The following DNMBP variants were observed in gnomAD, a reference collection of about 807,000 sequenced individuals.
The protein encoded by DNMBP is dynamin binding protein, also known as dynamin-binding protein.
Under a neutral mutation model 150.0 loss-of-function variants are expected in DNMBP, and 87 were observed. The ratio of observed to expected loss-of-function variants is 0.58; its 90% confidence interval spans 0.49 to 0.69. The LOEUF is 0.69. Among genes scored for constraint, DNMBP ranks in the 30% least tolerant of loss-of-function variants. The pLI is 0.00. For missense variants in DNMBP, 1,774 were observed against 1,949.0 expected (o/e 0.91, Z 1.69); for synonymous variants, 711 against 750.4 (o/e 0.95, Z 0.86).
chr10:99,910,453 T>C (rs945722118), intron 4 of DNMBP, among the ~76,000 whole-genome samples: 1 of 152,170 alleles, frequency 6.6e-6, no homozygotes, highest in Non-Finnish European at 1.5e-5. Context: ...GTCATGAGAA[T>C]CACTTGAACC....
rs181390153 is a variant in DNMBP at position 99,884,747 on chromosome 10, A to G, written c.3799-538T>C. ...AACATAGCGAAACCCTGTCTCTACTAAAAATACAATACAGGCATGGTAACG... is the reference window on the plus strand; with the variant it reads ...AACATAGCGAAACCCTGTCTCTACTGAAAATACAATACAGGCATGGTAACG... On this transcript the variant is annotated intron_variant, in intron 14 of 16. Transcript: ENST00000324109. Among the ~76,000 whole-genome samples, 940 of 152,218 alleles carry G rather than the reference A, an allele frequency of 6.2e-3. 6 individuals are homozygous for G. The highest frequency in any genetic ancestry group is 9.9e-3 in the Non-Finnish European group (674 of 68,022).
chr10:99,913,711 G>C (rs1406489397), intron 4 of DNMBP, among the ~76,000 whole-genome samples: 2 of 151,988 alleles, frequency 1.3e-5, no homozygotes, highest in African/African-American at 4.8e-5. Context: ...ATTATCACCA[G>C]GCTCACTTCC....
At chr10:99,927,358 G>A (rs2133278092) in intron 4 of DNMBP, 1 of 152,216 alleles carries the variant, frequency 6.6e-6, no homozygotes, top group East Asian at 1.9e-4. Context: ...CAAAGAAATG[G>A]CCATTTATGA....
chr10:99,901,078 G>C (rs2039731058), intron 6 of DNMBP, among the ~76,000 whole-genome samples: 1 of 152,130 alleles, frequency 6.6e-6, no homozygotes, highest in South Asian at 2.1e-4. Context: ...TGGGACTACA[G>C]ATGTGCGCTG....
Position 99,877,216 on chromosome 10 carries a change from C to T in DNMBP, c.4669G>A (p.Ala1557Thr), listed in dbSNP as rs767849573. ...DVTGNTEWWL[A>T]EVNGKKGYVP... ...TAGCCCTTCTTCCCGTTAACCTCAG[C>T]TAACCACCACTCTGTATTTCCTGTA... is the stretch of plus-strand genomic sequence containing the variant. The change falls in exon 17 of 17, where the codon GCT (alanine) becomes ACT (threonine). Residue 1557 changes from alanine to threonine, a missense_variant. Ala to Thr is a moderately conservative substitution (Grantham distance 58). Transcript: ENST00000324109. 4.3e-6 allele frequency: 7 copies of T among 1,613,986 alleles called. No homozygotes were observed. In the South Asian group the frequency reaches 7.7e-5, roughly 18 times the overall value.
rs185249420 is a variant in DNMBP, at chr10:99,988,590, C to T, written c.-10-16456G>A. On this transcript the variant is annotated intron_variant, in intron 1 of 16. Transcript: ENST00000324109. ...AAAGATCAGTGCATCATTTAACCAC[C>T]ATAATTCACAATTTGTCCCCACTCC... 1.1e-4 allele frequency among the ~76,000 whole-genome samples: 17 copies of T among 152,240 alleles called. No homozygotes were observed. In the East Asian group the frequency reaches 3.3e-3, roughly 29 times the overall value.
chr10:99,933,119 C>A (rs984768834), intron 4 of DNMBP, among the ~76,000 whole-genome samples: 1 of 151,074 alleles, frequency 6.6e-6, no homozygotes, highest in African/African-American at 2.4e-5. Context: ...ACAAATGAGA[C>A]CCCATCTCCA....
Position 99,935,087 on chromosome 10 carries a change from C to CAA in DNMBP, c.2260+20125_2260+20126dup, listed in dbSNP as rs71009790. 6.4e-3 allele frequency among the ~76,000 whole-genome samples: 313 copies of CAA among 48,534 alleles called. 24 individuals are homozygous for CAA. The highest frequency in any genetic ancestry group is 0.015 in the African/African-American group (208 of 13,962). The allele number at this position is 48,534 out of a possible 152,430, so 31.8% of individuals were successfully genotyped here. A position where few individuals can be genotyped will look rare whatever the true frequency, so the allele number is the denominator to read the frequency against. Reference sequence around the variant, plus strand: ...GTGATAGGGTGAGACCCTGTCTCCACAAAAAAAAAAAAAAAAAAAAAAAAA... The same window carrying CAA: ...GTGATAGGGTGAGACCCTGTCTCCACAAAAAAAAAAAAAAAAAAAAAAAAAAA... On this transcript the variant is annotated intron_variant, in intron 4 of 16. Coordinates refer to ENST00000324109, the MANE Select transcript of DNMBP (RefSeq NM_015221.4).
Position 99,885,776 on chromosome 10 carries a change from A to C in DNMBP, c.3709T>G (p.Phe1237Val), listed in dbSNP as rs1418305952. ...RVLQQLQVFT[F>V]FPESLPATKK... The stretch of plus-strand genomic sequence containing the variant: ...GTAGCTGGAAGAGACTCCGGGAAGA[A>C]GGTAAAAACCTGGAGTTGCTGCAGA... The change falls in exon 14 of 17, where the codon TTC becomes GTC. Residue 1237 changes from phenylalanine (F) to valine (V), a missense_variant. Transcript: ENST00000324109. 6.2e-7 allele frequency: 1 copy of C among 1,611,158 alleles called. No individual in the cohort carries two copies.
intron 4 of DNMBP, among the ~76,000 whole-genome samples, chr10:99,928,778 A>G (rs1176043461): frequency 6.6e-6 from 1 of 152,142 alleles, no homozygotes; most frequent in Non-Finnish European, 1.5e-5. Flanking sequence ...AATCTATAAA[A>G]CAAATCAGGG....
chr10:99,888,281 G>A (rs767334895), intron 12 of DNMBP, among the ~76,000 whole-genome samples: 20 of 152,052 alleles, frequency 1.3e-4, no homozygotes, highest in Non-Finnish European at 2.4e-4. Context: ...TGCTATCTTG[G>A]TTCATTGCAA....
At chr10:99,922,326 C>A (rs1357698282) in intron 4 of DNMBP, among the ~76,000 whole-genome samples, 1 of 151,944 alleles carries the variant, frequency 6.6e-6, no homozygotes, top group African/African-American at 2.4e-5. Flanking sequence ...AAGAAGATAC[C>A]CTAGAAGAGT....
At chr10:99,878,349 A>C (rs2039308148) in intron 16 of DNMBP, among the ~76,000 whole-genome samples, 1 of 152,210 alleles carries the variant, frequency 6.6e-6, no homozygotes, top group South Asian at 2.1e-4. Context: ...ACGTGCCCCA[A>C]GGGCTGGAGC....
chr10:100,009,043 C>A (rs1222979097), intron 1 of DNMBP, among the ~76,000 whole-genome samples: 1 of 152,196 alleles, frequency 6.6e-6, no homozygotes, highest in Non-Finnish European at 1.5e-5. Flanking sequence ...ATAAAACAGA[C>A]CTAAAGGCAA....
chr10:99,939,210 C>A (rs988419555), intron 4 of DNMBP, among the ~76,000 whole-genome samples: 4 of 152,120 alleles, frequency 2.6e-5, no homozygotes, highest in Non-Finnish European at 5.9e-5. Flanking sequence ...TGAGGGTCAA[C>A]AACTCCTCAC....
At chr10:99,919,748 C>T (rs754401327) in intron 4 of DNMBP, among the ~76,000 whole-genome samples, 21 of 152,218 alleles carry the variant, frequency 1.4e-4, no homozygotes, top group Non-Finnish European at 2.6e-4. Flanking sequence ...GATGGTGCCA[C>T]GGCACTACAG....
At chr10:99,900,816 A>G (rs530529905) in intron 6 of DNMBP, among the ~76,000 whole-genome samples, 77 of 152,294 alleles carry the variant, frequency 5.1e-4, no homozygotes, top group Admixed American at 1.5e-3. Context: ...TTTTTAGTAG[A>G]GACGGAGTTC....
At chr10:99,988,522 G>A (rs2040851993) in intron 1 of DNMBP, among the ~76,000 whole-genome samples, 1 of 152,134 alleles carries the variant, frequency 6.6e-6, no homozygotes, top group Admixed American at 6.5e-5. Flanking sequence ...TTACACCATA[G>A]TGTTATGAAT....
At chr10:99,950,823 G>T (rs1334344769) in intron 4 of DNMBP, among the ~76,000 whole-genome samples, 3 of 152,210 alleles carry the variant, frequency 2.0e-5, no homozygotes, top group Non-Finnish European at 2.9e-5. Flanking sequence ...CCAAAAATGT[G>T]CAGCCTGACA....
Sources: gnomAD v4.1 joint callset for allele counts (sites outside exome capture counted in the v4.1 genomes callset) on GRCh38, gnomAD v4.1.1 for gene constraint, MANE v1.5 for transcripts, NCBI Gene and HGNC (gene_info 2026-07-23, HGNC 2026-07-21) for gene names.